The following GFRA2 variants were observed in gnomAD, a reference collection of about 807,000 sequenced individuals.
The protein encoded by GFRA2 is GDNF family receptor alpha 2.
GFRA2 carries 17 observed loss-of-function variants against 48.3 expected under a neutral mutation model. That is an observed-to-expected ratio of 0.35 (90% confidence interval 0.24 to 0.53). GFRA2 has a LOEUF of 0.53. Ranked by LOEUF, GFRA2 falls within the 20% of genes least tolerant of loss-of-function variation. GFRA2 has a pLI of 0.93. For missense variants in GFRA2, 660 were observed against 637.3 expected (o/e 1.04, Z -0.38); for synonymous variants, 305 against 257.2 (o/e 1.19, Z -1.78).
intron 4 of GFRA2, among the ~76,000 whole-genome samples, chr8:21,722,947 G>A (rs1274159939): frequency 6.6e-6 from 1 of 152,170 alleles, no homozygotes; most frequent in Non-Finnish European, 1.5e-5. Context: ...CATGGAGTGG[G>A]CTGGATAAAA....
chr8:21,705,832 C>A, intron 5 of GFRA2, 100 bp downstream of exon 5: 2 of 729,756 alleles, frequency 2.7e-6, no homozygotes, highest in Admixed American at 2.8e-5. Context: ...CGGGCTCAGG[C>A]TGTCTCCCCC....
chr8:21,764,356 A>T (rs1365347464), intron 3 of GFRA2, among the ~76,000 whole-genome samples: 3 of 152,164 alleles, frequency 2.0e-5, no homozygotes, highest in Non-Finnish European at 4.4e-5. Flanking sequence ...CCCATTCATA[A>T]GGGCTCCACT....
chr8:21,729,822 A>G (rs1329654552), intron 4 of GFRA2, among the ~76,000 whole-genome samples: 1 of 152,146 alleles, frequency 6.6e-6, no homozygotes, highest in African/African-American at 2.4e-5. Flanking sequence ...ACTCTTCCAG[A>G]CCATGAGAAT....
chr8:21,706,241 C>T (rs1392505276), intron 4 of GFRA2, among the ~76,000 whole-genome samples, 200 bp from the exon 5 acceptor site: 4 of 152,118 alleles, frequency 2.6e-5, no homozygotes, highest in African/African-American at 4.8e-5. Flanking sequence ...AGAGACTTCC[C>T]GGAGAGACAG....
chr8:21,800,130 T>G (rs2117112439), intron 2 of GFRA2, among the ~76,000 whole-genome samples: 1 of 152,320 alleles, frequency 6.6e-6, no homozygotes, highest in South Asian at 2.1e-4. Flanking sequence ...GATCATCTAT[T>G]TATTTTAAGA....
intron 1 of GFRA2, among the ~76,000 whole-genome samples, chr8:21,808,610 T>A (rs1807914379): frequency 6.6e-6 from 1 of 152,220 alleles, no homozygotes; most frequent in Non-Finnish European, 1.5e-5. Context: ...ACAAAGGGGA[T>A]GCTCAGGGAG....
Position 21,705,038 on chromosome 8 carries a change from A to G in GFRA2, c.992T>C (p.Met331Thr). 1.9e-6 allele frequency: 3 copies of G among 1,610,994 alleles called. No homozygotes were observed. The highest frequency in any genetic ancestry group is 1.1e-5 in the South Asian group (1 of 89,942). Residue 331 changes from methionine to threonine, a missense_variant, in exon 6 of 9, where the codon ATG (methionine) becomes ACG (threonine). Met to Thr is a moderately conservative substitution (Grantham distance 81, BLOSUM62 -1). Transcript: ENST00000524240. ...GAGGAACTTCTCACACTCCTCCTCC[A>G]TGTTCCCGCTGCCACGACAGCTGCA... ...PWCSCRGSGN[M>T]EEECEKFLRD...
At chr8:21,769,739 A>G (rs1806357171) in intron 3 of GFRA2, among the ~76,000 whole-genome samples, 1 of 152,306 alleles carries the variant, frequency 6.6e-6, no homozygotes, top group African/African-American at 2.4e-5. Flanking sequence ...CATGCCCTCA[A>G]TACGTGGCAG....
intron 4 of GFRA2, among the ~76,000 whole-genome samples, chr8:21,707,779 G>A (rs1443434608): frequency 1.3e-5 from 2 of 152,196 alleles, no homozygotes; most frequent in Non-Finnish European, 2.9e-5. Flanking sequence ...GGAGATGGAT[G>A]GCAGTGAAGG....
intron 3 of GFRA2, among the ~76,000 whole-genome samples, chr8:21,759,532 A>AGGAAGGAAGGAG (rs1805788454): frequency 6.7e-6 from 1 of 149,264 alleles, no homozygotes; most frequent in African/African-American, 2.5e-5. Flanking sequence ...GAAGGAAGGA[A>AGGAAGGAAGGAG]GGAAGGAAGG....
intron 4 of GFRA2, among the ~76,000 whole-genome samples, chr8:21,706,818 G>C (rs141909881): frequency 1.3e-5 from 2 of 152,244 alleles, no homozygotes; most frequent in Non-Finnish European, 2.9e-5. Flanking sequence ...CAGTGTCTGA[G>C]CTGGGTCTGT....
intron 4 of GFRA2, among the ~76,000 whole-genome samples, chr8:21,730,614 G>C (rs775787150): frequency 6.6e-6 from 1 of 152,002 alleles, no homozygotes; most frequent in Non-Finnish European, 1.5e-5. Context: ...CAGCACCATC[G>C]CCCTCTGTAT....
chr8:21,701,473 A>C (rs1488855065), intron 7 of GFRA2, among the ~76,000 whole-genome samples: 3 of 152,244 alleles, frequency 2.0e-5, no homozygotes, highest in African/African-American at 4.8e-5. Context: ...CTCTGAGAAG[A>C]AGCCTGGAGA....
intron 4 of GFRA2, among the ~76,000 whole-genome samples, chr8:21,726,344 C>T (rs1177054850): frequency 2.0e-5 from 3 of 152,224 alleles, no homozygotes; most frequent in African/African-American, 7.2e-5. Flanking sequence ...ATGAACAAGA[C>T]AGTCCTTCTC....
chr8:21,762,930 T>C (rs960259563), intron 3 of GFRA2, among the ~76,000 whole-genome samples: 10 of 152,354 alleles, frequency 6.6e-5, no homozygotes, highest in Non-Finnish European at 1.0e-4. Flanking sequence ...AGGCATTTCA[T>C]ATTGATGTGA....
intron 4 of GFRA2, among the ~76,000 whole-genome samples, chr8:21,729,326 T>A (rs1047742018): frequency 6.6e-6 from 1 of 152,028 alleles, no homozygotes; most frequent in Non-Finnish European, 1.5e-5. Flanking sequence ...TGAGACCCTG[T>A]CTCTATATAA....
intron 4 of GFRA2, among the ~76,000 whole-genome samples, chr8:21,720,633 C>T (rs959121831): frequency 2.0e-5 from 3 of 152,154 alleles, no homozygotes; most frequent in East Asian, 1.9e-4. Flanking sequence ...CAAACACACA[C>T]GTTCCCCAGC....
chr8:21,784,829 CT>C (rs1807189581), intron 1 of GFRA2, among the ~76,000 whole-genome samples: 1 of 152,138 alleles, frequency 6.6e-6, no homozygotes, highest in Non-Finnish European at 1.5e-5. Flanking sequence ...GAGAGCTGTC[CT>C]CCACACAAGC....
intron 4 of GFRA2, among the ~76,000 whole-genome samples, chr8:21,715,344 T>C (rs1331975966): frequency 6.6e-6 from 1 of 152,256 alleles, no homozygotes; most frequent in African/African-American, 2.4e-5. Context: ...AGTCTCGCTC[T>C]GTCACCTAGG....
Sources: gnomAD v4.1 joint callset for allele counts (sites outside exome capture counted in the v4.1 genomes callset) on GRCh38, gnomAD v4.1.1 for gene constraint, MANE v1.5 for transcripts, NCBI Gene and HGNC (gene_info 2026-07-23, HGNC 2026-07-21) for gene names.